The following CLYBL variants were observed in gnomAD, a reference collection of about 807,000 sequenced individuals.
CLYBL encodes the protein citramalyl-CoA lyase, also known as citramalyl-CoA lyase, mitochondrial.
CLYBL carries 31 observed loss-of-function variants against 38.9 expected under a neutral mutation model. The ratio of observed to expected loss-of-function variants is 0.80; its 90% CI spans 0.60 to 1.08. The LOEUF (loss-of-function observed/expected upper bound fraction) is 1.08. CLYBL is among the 50% of genes least tolerant of loss of function. CLYBL has a pLI of 0.00. For missense variants in CLYBL, 434 were observed against 411.6 expected, an observed-to-expected ratio of 1.05 and a Z score of -0.47; for synonymous variants, 171 against 158.6, an observed-to-expected ratio of 1.08 and a Z score of -0.59.
chr13:99,636,572 T>C (rs1333569039), intron 1 of CLYBL, among the ~76,000 whole-genome samples: 1 of 152,176 alleles, frequency 6.6e-6, no homozygotes, highest in Non-Finnish European at 1.5e-5. Flanking sequence ...GCCATTCCTC[T>C]TGCCAGGGCT....
At chr13:99,766,542 C>T (rs1454554580) in intron 1 of CLYBL, among the ~76,000 whole-genome samples, 1 of 152,056 alleles carries the variant, frequency 6.6e-6, no homozygotes, top group Non-Finnish European at 1.5e-5. Context: ...TTGCTATGTC[C>T]CTTTGGGGAG....
intron 2 of CLYBL, among the ~76,000 whole-genome samples, chr13:99,783,273 G>A (rs538185937): frequency 6.6e-6 from 1 of 151,842 alleles, no homozygotes; most frequent in South Asian, 2.1e-4. Flanking sequence ...AAACTCCTGA[G>A]CTCAGGTGAT....
chr13:99,844,334 G>A (rs2051150777), intron 2 of CLYBL, among the ~76,000 whole-genome samples: 1 of 152,220 alleles, frequency 6.6e-6, no homozygotes. Flanking sequence ...TGTCCACACT[G>A]CAGGACTGTT....
intron 1 of CLYBL, among the ~76,000 whole-genome samples, chr13:99,621,437 C>G (rs1228655565): frequency 6.6e-6 from 1 of 152,156 alleles, no homozygotes; most frequent in Non-Finnish European, 1.5e-5. Flanking sequence ...CCTGAGAGCC[C>G]TAACCTCTCC....
chr13:99,776,105 A>G (rs1314212162), intron 2 of CLYBL, among the ~76,000 whole-genome samples: 1 of 151,192 alleles, frequency 6.6e-6, no homozygotes, highest in Admixed American at 6.6e-5. Flanking sequence ...CAGAGCTTGC[A>G]GTGAGCCGAG....
intron 2 of CLYBL, among the ~76,000 whole-genome samples, chr13:99,830,689 G>A (rs1170821346): frequency 6.6e-6 from 1 of 152,192 alleles, no homozygotes; most frequent in Non-Finnish European, 1.5e-5. Flanking sequence ...CCTCTTAAGG[G>A]ATGTAGAGAG....
intron 1 of CLYBL, among the ~76,000 whole-genome samples, chr13:99,618,296 G>A (rs1181363313): frequency 1.3e-5 from 2 of 151,202 alleles, no homozygotes; most frequent in Non-Finnish European, 2.9e-5. Flanking sequence ...TTTTGAGGTG[G>A]AGTCTAGCTC....
At chr13:99,903,382 G>A (rs772492252) in intron 8 of CLYBL, among the ~76,000 whole-genome samples, 2 of 151,184 alleles carry the variant, frequency 1.3e-5, no homozygotes. Flanking sequence ...ACACACACAC[G>A]CACGCACACT....
At chr13:99,687,216 G>C (rs1594119887) in intron 1 of CLYBL, among the ~76,000 whole-genome samples, 1 of 152,218 alleles carries the variant, frequency 6.6e-6, no homozygotes, top group African/African-American at 2.4e-5. Context: ...TGCAAGATGA[G>C]GCAGGTAACG....
chr13:99,764,308 G>A (rs944806601), intron 1 of CLYBL, among the ~76,000 whole-genome samples: 5 of 151,868 alleles, frequency 3.3e-5, no homozygotes, highest in Admixed American at 6.6e-5. Flanking sequence ...AAGAATTTGC[G>A]TAAAATTGAT....
At chr13:99,678,564 G>A (rs913091008) in intron 1 of CLYBL, among the ~76,000 whole-genome samples, 1 of 152,138 alleles carries the variant, frequency 6.6e-6, no homozygotes, top group African/African-American at 2.4e-5. Context: ...GCAAGATAGA[G>A]GATTAAAGAA....
chr13:99,626,109 C>T (rs946928083), intron 1 of CLYBL, among the ~76,000 whole-genome samples: 2 of 152,210 alleles, frequency 1.3e-5, no homozygotes, highest in Admixed American at 6.5e-5. Context: ...ATGCCATGGC[C>T]GGTGGTGAAG....
In CLYBL at chr13:99,858,855, T is replaced by G; in HGVS notation, c.250-6T>G. The G allele has an allele frequency of 6.3e-7, 1 of 1,589,728 alleles. No homozygotes were observed. The highest frequency in any genetic ancestry group is 8.5e-7 in the Non-Finnish European group (1 of 1,169,628). ...TAAACAATAAACTTTTTATTGACAC[T>G]TACAGAATGAAGCTCGACTGAGAAT... On this transcript the variant is annotated splice_region_variant and splice_polypyrimidine_tract_variant and intron_variant, in intron 2 of 8. Transcript: ENST00000339105.
At position 99,852,200 on chromosome 13, in the gene CLYBL, G is replaced by A. The variant is rs570648348; in HGVS notation, c.250-6661G>A. On this transcript the variant is annotated intron_variant, in intron 2 of 8. Coordinates refer to ENST00000339105, the MANE Select transcript of CLYBL (RefSeq NM_206808.5). ...AGGGTTGGGGAAACGGGAGTGACTT[G>A]CTAAGAAGTATGAGGTTTCTTTTCG... 6.6e-5 allele frequency among the ~76,000 whole-genome samples: 10 copies of A among 152,300 alleles called. No individual in the cohort carries two copies. In the South Asian group the frequency reaches 1.2e-3, roughly 19 times the overall value.
At chr13:99,612,016 A>G (rs766727159) in intron 1 of CLYBL, among the ~76,000 whole-genome samples, 6 of 152,184 alleles carry the variant, frequency 3.9e-5, no homozygotes, top group Non-Finnish European at 5.9e-5. Context: ...CTACAGTCCA[A>G]TGTTAGGCCC....
chr13:99,760,744 A>G (rs1455996336), intron 1 of CLYBL, among the ~76,000 whole-genome samples: 1 of 152,100 alleles, frequency 6.6e-6, no homozygotes, highest in Admixed American at 6.6e-5. Context: ...TTTTTTATTG[A>G]TAAGAGATAT....
chr13:99,879,401 C>G (rs1043425244), intron 7 of CLYBL, among the ~76,000 whole-genome samples: 5 of 152,172 alleles, frequency 3.3e-5, no homozygotes, highest in African/African-American at 1.2e-4. Context: ...TTTGCTACAC[C>G]TCTTCCTTTT....
intron 1 of CLYBL, among the ~76,000 whole-genome samples, chr13:99,765,849 CT>C (rs143574260): frequency 0.013 from 1,597 of 126,106 alleles, 1 homozygote; most frequent in African/African-American, 0.013. Context: ...CAAGTCGAGT[CT>C]TTTTTTTTTT....
chr13:99,838,793 G>A (rs1269241569), intron 2 of CLYBL, among the ~76,000 whole-genome samples: 7 of 109,276 alleles, frequency 6.4e-5, no homozygotes, highest in Non-Finnish European at 9.5e-5. Context: ...CCGCCACCAC[G>A]CCTGGCTAAT....
Sources: gnomAD v4.1 joint callset for allele counts (sites outside exome capture counted in the v4.1 genomes callset) on GRCh38, gnomAD v4.1.1 for gene constraint, MANE v1.5 for transcripts, NCBI Gene and HGNC (gene_info 2026-07-23, HGNC 2026-07-21) for gene names.